The following ITGBL1 variants were observed in gnomAD, a reference collection of about 807,000 sequenced individuals.
ITGBL1 encodes integrin beta-like protein 1.
In ITGBL1, 51 loss-of-function variants were observed where a neutral mutation model predicts 68.5. The ratio of observed to expected loss-of-function variants is 0.74; its 90% CI spans 0.59 to 0.94. ITGBL1 has a LOEUF of 0.94. ITGBL1 is among the 40% of genes least tolerant of loss of function. The probability of loss-of-function intolerance (pLI) is 0.00; values close to 1 mark genes in which losing one functional copy is unlikely to be tolerated. For synonymous variants in ITGBL1, 209 were observed against 227.3 expected (o/e 0.92, Z 0.72); for missense variants, 649 against 647.4 (o/e 1.00, Z -0.03).
chr13:101,706,708 C>A, intron 8 of ITGBL1, 48 bp from the exon 9 acceptor site: 2 of 1,573,426 alleles, frequency 1.3e-6, no homozygotes, highest in Non-Finnish European at 1.7e-6. Context: ...TCTGCTTCAG[C>A]TGGTTATTTC....
intron 2 of ITGBL1, among the ~76,000 whole-genome samples, chr13:101,552,139 A>G (rs1349912286): frequency 6.6e-6 from 1 of 152,184 alleles, no homozygotes; most frequent in Non-Finnish European, 1.5e-5. Context: ...ACCTGAGTAC[A>G]GTTTGCAGTC....
At chr13:101,540,576 C>G (rs1397474160) in intron 2 of ITGBL1, among the ~76,000 whole-genome samples, 3 of 152,064 alleles carry the variant, frequency 2.0e-5, no homozygotes, top group Non-Finnish European at 4.4e-5. Flanking sequence ...GTAGTTTTTT[C>G]CAATTCTGTG....
chr13:101,666,662 A>G (rs2033226703), intron 7 of ITGBL1, among the ~76,000 whole-genome samples: 1 of 152,128 alleles, frequency 6.6e-6, no homozygotes, highest in Non-Finnish European at 1.5e-5. Flanking sequence ...TAGCAATTTT[A>G]TGTTTTTCTC....
intron 2 of ITGBL1, among the ~76,000 whole-genome samples, chr13:101,498,364 T>C (rs1219150942): frequency 6.6e-6 from 1 of 152,180 alleles, no homozygotes; most frequent in Non-Finnish European, 1.5e-5. Context: ...TAATCTTCCA[T>C]AATGATTTGT....
intron 3 of ITGBL1, among the ~76,000 whole-genome samples, chr13:101,569,129 C>T (rs545646364): frequency 2.5e-4 from 38 of 152,032 alleles, no homozygotes; most frequent in Non-Finnish European, 4.9e-4. Context: ...CACGCGCACG[C>T]GCGCGCATGC....
intron 2 of ITGBL1, among the ~76,000 whole-genome samples, chr13:101,517,256 C>T (rs2139125033): frequency 6.6e-6 from 1 of 152,240 alleles, no homozygotes; most frequent in African/African-American, 2.4e-5. Context: ...GCTCTTAAAT[C>T]CTACATCAGT....
chr13:101,530,252 T>TAG (rs955893544), intron 2 of ITGBL1, among the ~76,000 whole-genome samples: 8 of 151,450 alleles, frequency 5.3e-5, no homozygotes, highest in East Asian at 1.9e-4. Context: ...TAATTATATA[T>TAG]AGAGAGAGAG....
In ITGBL1 at chr13:101,623,236, G is replaced by T. The variant is rs1182571157; in HGVS notation, c.1015+24937G>T. ...AATGCAATCCGAGGTTTATAATTTA[G>T]CTTGATCCCATGACAGAGTAAGCTA... On this transcript the variant is annotated intron_variant, in intron 7 of 10. Coordinates refer to ENST00000376180, the MANE Select transcript of ITGBL1 (RefSeq NM_004791.3). 4.0e-5 allele frequency among the ~76,000 whole-genome samples: 6 copies of T among 151,886 alleles called. No homozygotes were observed. In the East Asian group the frequency reaches 5.8e-4, roughly 15 times the overall value.
chr13:101,484,344 TTTTA>T (rs1272630689), intron 2 of ITGBL1, among the ~76,000 whole-genome samples: 1 of 152,136 alleles, frequency 6.6e-6, no homozygotes, highest in African/African-American at 2.4e-5. Flanking sequence ...ATGAATTTAG[TTTTA>T]TTTATCCTAT....
At chr13:101,714,214 A>C in intron 9 of ITGBL1, 1 of 512,750 alleles carries the variant, frequency 2.0e-6, no homozygotes, top group Non-Finnish European at 3.5e-6. Flanking sequence ...ACATTTGTTC[A>C]AGGCTAATTG....
intron 7 of ITGBL1, among the ~76,000 whole-genome samples, chr13:101,621,321 G>C (rs1392262037): frequency 6.6e-6 from 1 of 152,158 alleles, no homozygotes; most frequent in African/African-American, 2.4e-5. Context: ...ATCTGGAAGT[G>C]TATAGCCTGG....
intron 2 of ITGBL1, among the ~76,000 whole-genome samples, chr13:101,523,595 G>C (rs1005071249): frequency 1.3e-5 from 2 of 152,192 alleles, no homozygotes; most frequent in Non-Finnish European, 2.9e-5. Context: ...TATTAGAGCA[G>C]ATGACTTCCA....
intron 2 of ITGBL1, among the ~76,000 whole-genome samples, chr13:101,531,694 T>A (rs1019279400): frequency 7.4e-6 from 1 of 135,510 alleles, no homozygotes; most frequent in East Asian, 2.1e-4. Flanking sequence ...TTATTTTTTT[T>A]ATTTTGTTAT....
chr13:101,469,346 C>T (rs2048425822), intron 2 of ITGBL1, among the ~76,000 whole-genome samples: 1 of 152,166 alleles, frequency 6.6e-6, no homozygotes, highest in Non-Finnish European at 1.5e-5. Context: ...ACCTGGGATT[C>T]TGGATATTGT....
intron 7 of ITGBL1, among the ~76,000 whole-genome samples, chr13:101,616,739 C>T (rs1020537595): frequency 1.6e-4 from 25 of 152,204 alleles, no homozygotes; most frequent in African/African-American, 6.0e-4. Context: ...GATCTACCCA[C>T]CTCGACCTCC....
intron 7 of ITGBL1, among the ~76,000 whole-genome samples, chr13:101,684,599 T>C (rs1279599027): frequency 6.6e-6 from 1 of 151,982 alleles, no homozygotes; most frequent in Non-Finnish European, 1.5e-5. Flanking sequence ...ATAATCCATA[T>C]TATTTGTTAG....
intron 2 of ITGBL1, among the ~76,000 whole-genome samples, chr13:101,541,324 TG>T (rs1262947532): frequency 2.6e-5 from 4 of 152,288 alleles, no homozygotes; most frequent in Admixed American, 2.0e-4. Flanking sequence ...ATGGTTTTTG[TG>T]GTTGGTTCTG....
At position 101,567,787 on chromosome 13, in the gene ITGBL1, A is replaced by G. The variant is rs147442366; in HGVS notation, c.405A>G (p.Thr135=). 1.6e-5 allele frequency: 26 copies of G among 1,613,266 alleles called. No homozygotes were observed. The highest frequency in any genetic ancestry group is 1.0e-4 in the Admixed American group (6 of 59,914). The change falls in exon 3 of 11, where the codon ACA becomes ACG. Residue 135 remains threonine, a synonymous_variant. Transcript: ENST00000376180. ...AGTACCCAACTAACTGTGACTTGAC[A>G]AAGAAGAAAAGTAACCAAATGTGCA... ...ACQYPTNCDL[T]KKKSNQMCKN...
intron 7 of ITGBL1, among the ~76,000 whole-genome samples, chr13:101,625,694 A>G (rs552113765): frequency 3.2e-4 from 48 of 152,208 alleles, no homozygotes; most frequent in Non-Finnish European, 5.7e-4. Context: ...CTGGGAATAC[A>G]GGAGCCTGCC....
Sources: gnomAD v4.1 joint callset for allele counts (sites outside exome capture counted in the v4.1 genomes callset) on GRCh38, gnomAD v4.1.1 for gene constraint, MANE v1.5 for transcripts, NCBI Gene and HGNC (gene_info 2026-07-23, HGNC 2026-07-21) for gene names.